Variants in PCDH9 observed in about 807,000 individuals in gnomAD.
PCDH9 encodes the protein protocadherin-9.
A neutral mutation model predicts 70.6 loss-of-function variants in PCDH9; 24 were observed. The observed-to-expected ratio is 0.34, with a 90% confidence interval of 0.25 to 0.48. The LOEUF (loss-of-function observed/expected upper bound fraction) is 0.48. Among genes scored for constraint, PCDH9 ranks in the 20% least tolerant of loss-of-function variants. The pLI is 0.99. For synonymous variants in PCDH9, 562 were observed against 558.5 expected, an observed-to-expected ratio of 1.01 and a Z score of -0.09; for missense variants, 1,281 against 1,503.6, an observed-to-expected ratio of 0.85 and a Z score of 2.45.
At chr13:66,907,290 G>A (rs563752819) in intron 2 of PCDH9, among the ~76,000 whole-genome samples, 19 of 152,172 alleles carry the variant, frequency 1.2e-4, no homozygotes, top group East Asian at 3.9e-4. Context: ...AAATAACTGC[G>A]TATTGAATTA....
chr13:67,120,333 C>T (rs942745628), intron 2 of PCDH9, among the ~76,000 whole-genome samples: 2 of 151,942 alleles, frequency 1.3e-5, no homozygotes, highest in Non-Finnish European at 2.9e-5. Context: ...CTATGTGTGC[C>T]GGCCACCTCT....
chr13:66,553,032 G>A (rs1173634083), intron 4 of PCDH9, among the ~76,000 whole-genome samples: 2 of 152,056 alleles, frequency 1.3e-5, no homozygotes, highest in African/African-American at 2.4e-5. Context: ...ATTGCATGAG[G>A]GTAACCACTC....
At chr13:66,486,175 C>A (rs566604349) in intron 4 of PCDH9, among the ~76,000 whole-genome samples, 45 of 152,234 alleles carry the variant, frequency 3.0e-4, no homozygotes, top group African/African-American at 1.1e-3. Flanking sequence ...GATGCGATGG[C>A]TCATGCCTGT....
intron 4 of PCDH9, among the ~76,000 whole-genome samples, chr13:66,395,680 T>C (rs1163785606): frequency 6.6e-6 from 1 of 152,104 alleles, no homozygotes; most frequent in African/African-American, 2.4e-5. Flanking sequence ...AGAAGTCATA[T>C]ATTAAGAACA....
chr13:66,548,450 G>A (rs1047964266), intron 4 of PCDH9, among the ~76,000 whole-genome samples: 22 of 151,810 alleles, frequency 1.4e-4, no homozygotes, highest in African/African-American at 5.1e-4. Context: ...CTGTAATCTC[G>A]GCTACTAGGG....
chr13:66,584,202 T>C (rs762577464), intron 4 of PCDH9, among the ~76,000 whole-genome samples: 1 of 152,146 alleles, frequency 6.6e-6, no homozygotes, highest in Non-Finnish European at 1.5e-5. Context: ...AGTAGAAACT[T>C]GTGGTTAAGG....
At chr13:67,091,262 ATG>A (rs1468941558) in intron 2 of PCDH9, among the ~76,000 whole-genome samples, 3 of 152,298 alleles carry the variant, frequency 2.0e-5, no homozygotes, top group African/African-American at 7.2e-5. Flanking sequence ...AATATTATAA[ATG>A]TACATAAAAG....
At chr13:67,184,761 A>C (rs2088707227) in intron 2 of PCDH9, among the ~76,000 whole-genome samples, 1 of 152,042 alleles carries the variant, frequency 6.6e-6, no homozygotes, top group Non-Finnish European at 1.5e-5. Flanking sequence ...TAAAACCCTA[A>C]GGGCAGGGTG....
intron 2 of PCDH9, among the ~76,000 whole-genome samples, chr13:66,974,847 G>A (rs191409708): frequency 5.3e-5 from 8 of 152,092 alleles, no homozygotes; most frequent in African/African-American, 1.2e-4. Context: ...AATTGTGAGC[G>A]ACTGAACATG....
chr13:66,385,286 T>A (rs1173657735), intron 4 of PCDH9, among the ~76,000 whole-genome samples: 1 of 152,174 alleles, frequency 6.6e-6, no homozygotes, highest in Non-Finnish European at 1.5e-5. Flanking sequence ...AAATCTAACA[T>A]TAAATCTGTA....
At chr13:66,414,511 G>A (rs1465400898) in intron 4 of PCDH9, among the ~76,000 whole-genome samples, 2 of 152,262 alleles carry the variant, frequency 1.3e-5, no homozygotes, top group East Asian at 3.9e-4. Context: ...TGGATCCTAA[G>A]GTAGACCTTC....
At chr13:66,574,635 G>A (rs1417013956) in intron 4 of PCDH9, among the ~76,000 whole-genome samples, 1 of 152,044 alleles carries the variant, frequency 6.6e-6, no homozygotes, top group Non-Finnish European at 1.5e-5. Context: ...AATCATATCT[G>A]TCCTCAGAAA....
chr13:66,730,603 T>C (rs1054619328), intron 3 of PCDH9, among the ~76,000 whole-genome samples: 2 of 152,040 alleles, frequency 1.3e-5, no homozygotes, highest in African/African-American at 4.8e-5. Flanking sequence ...GGAGCATATG[T>C]ATATATCATC....
intron 4 of PCDH9, among the ~76,000 whole-genome samples, chr13:66,555,553 G>T (rs1399296696): frequency 6.6e-6 from 1 of 151,702 alleles, no homozygotes; most frequent in Non-Finnish European, 1.5e-5. Context: ...AGTTAAATTT[G>T]TTGTACTATT....
intron 2 of PCDH9, among the ~76,000 whole-genome samples, chr13:67,120,851 C>G (rs1437176640): frequency 6.6e-6 from 1 of 150,580 alleles, no homozygotes; most frequent in Non-Finnish European, 1.5e-5. Context: ...GTTGATTTTG[C>G]AATAAAGAGC....
At chr13:66,310,659 A>T (rs1955545690) in intron 4 of PCDH9, among the ~76,000 whole-genome samples, 1 of 152,052 alleles carries the variant, frequency 6.6e-6, no homozygotes, top group Admixed American at 6.6e-5. Context: ...TACTGTATGA[A>T]ATTTTCATCT....
intron 2 of PCDH9, among the ~76,000 whole-genome samples, chr13:66,964,961 T>C (rs952391383): frequency 6.6e-6 from 1 of 151,912 alleles, no homozygotes; most frequent in Non-Finnish European, 1.5e-5. Context: ...CTAGAGATAA[T>C]GCATTAAATA....
At chr13:66,895,763 T>C (rs1220324723) in intron 3 of PCDH9, among the ~76,000 whole-genome samples, 1 of 152,234 alleles carries the variant, frequency 6.6e-6, no homozygotes, top group Non-Finnish European at 1.5e-5. Context: ...ATCCAACAGA[T>C]ATTGATTTAC....
At chr13:67,092,678 T>G (rs541507556) in intron 2 of PCDH9, among the ~76,000 whole-genome samples, 3 of 152,190 alleles carry the variant, frequency 2.0e-5, no homozygotes, top group Admixed American at 6.5e-5. Context: ...ATCTCAAAGG[T>G]ACTAAACCGC....
Sources: allele counts gnomAD v4.1 joint callset (sites outside exome capture counted in the v4.1 genomes callset), GRCh38; gene constraint gnomAD v4.1.1; transcripts MANE v1.5; gene names NCBI Gene and HGNC (gene_info 2026-07-23, HGNC 2026-07-21).